DNAJC18: variants seen among roughly 807,000 people sequenced by gnomAD.
DNAJC18 encodes the protein DnaJ heat shock protein family (Hsp40) member C18.
Under a neutral mutation model 48.6 loss-of-function variants are expected in DNAJC18, and 40 were observed. The ratio of observed to expected loss-of-function variants is 0.82; its 90% CI spans 0.64 to 1.07. The LOEUF is 1.07. Ranked by LOEUF, DNAJC18 falls within the 50% of genes least tolerant of loss-of-function variation. The pLI, the probability that DNAJC18 is intolerant of heterozygous loss-of-function variation, is 0.00. For synonymous variants in DNAJC18, 135 were observed against 152.2 expected, an observed-to-expected ratio of 0.89 and a Z score of 0.83; for missense variants, 340 against 427.7, an observed-to-expected ratio of 0.79 and a Z score of 1.81.
At chr5:139,428,230 C>G (rs1759273773) in intron 3 of DNAJC18, among the ~76,000 whole-genome samples, 1 of 152,138 alleles carries the variant, frequency 6.6e-6, no homozygotes, top group Non-Finnish European at 1.5e-5. Context: ...AACCCCATCT[C>G]CACAAAACAT....
chr5:139,422,216 T>C (rs2152083380), intron 6 of DNAJC18, among the ~76,000 whole-genome samples: 1 of 152,250 alleles, frequency 6.6e-6, no homozygotes, highest in African/African-American at 2.4e-5. Flanking sequence ...ATTGAAGAAA[T>C]TTTTAAAAAT....
At chr5:139,436,462 T>C (rs1205850315) in intron 2 of DNAJC18, among the ~76,000 whole-genome samples, 2 of 151,994 alleles carry the variant, frequency 1.3e-5, no homozygotes, top group Admixed American at 1.3e-4. Flanking sequence ...GTTATCTAAT[T>C]TGTTGGCACA....
chr5:139,424,314 G>A (rs558067925), intron 5 of DNAJC18, among the ~76,000 whole-genome samples: 1 of 152,178 alleles, frequency 6.6e-6, no homozygotes, highest in Non-Finnish European at 1.5e-5. Flanking sequence ...CCTTGTTCCT[G>A]TCTGTCATGA....
chr5:139,434,268 C>A (rs1474796278), intron 2 of DNAJC18, among the ~76,000 whole-genome samples: 1 of 152,146 alleles, frequency 6.6e-6, no homozygotes, highest in Non-Finnish European at 1.5e-5. Context: ...CAAACTGATG[C>A]CACTCAAACC....
chr5:139,432,739 G>T (rs1016263926), intron 2 of DNAJC18, among the ~76,000 whole-genome samples: 6 of 152,218 alleles, frequency 3.9e-5, no homozygotes, highest in African/African-American at 1.4e-4. Context: ...TCAGTGCCCA[G>T]GCCTTCTTGC....
chr5:139,424,165 T>C (rs1759198476), intron 5 of DNAJC18, among the ~76,000 whole-genome samples: 1 of 152,142 alleles, frequency 6.6e-6, no homozygotes, highest in African/African-American at 2.4e-5. Context: ...GACTGGCTAT[T>C]TGCAAGGGGA....
Position 139,411,563 on chromosome 5 carries a change from T to C in DNAJC18, c.*2585A>G, listed in dbSNP as rs1758995574. ...ATCTAAAATATAACCCAGGAAATTA[T>C]AGCTTCACAATATTCTGGATAGTAT... On this transcript the variant is annotated 3_prime_UTR_variant, in exon 8 of 8. Coordinates refer to ENST00000302060, the MANE Select transcript of DNAJC18 (RefSeq NM_152686.4). 6.6e-6 allele frequency: 1 copy of C among 152,246 alleles called. No homozygotes were observed. The highest frequency in any genetic ancestry group is 1.5e-5 in the Non-Finnish European group (1 of 68,042). The allele number at this position is 152,246 out of a possible 1,614,324, so 9.4% of individuals were successfully genotyped here.
intron 2 of DNAJC18, among the ~76,000 whole-genome samples, chr5:139,436,789 T>C (rs563769064): frequency 1.3e-5 from 2 of 152,256 alleles, no homozygotes; most frequent in South Asian, 4.1e-4. Flanking sequence ...AATAAGCATT[T>C]AGAGCTATAA....
chr5:139,437,613 G>A, intron 1 of DNAJC18, 55 bp from the exon 2 acceptor site: 1 of 1,554,280 alleles, frequency 6.4e-7, no homozygotes, highest in Non-Finnish European at 8.7e-7. Flanking sequence ...AATCAACTTT[G>A]CAACCTGCCT....
At chr5:139,424,590 C>T (rs901599103) in intron 5 of DNAJC18, among the ~76,000 whole-genome samples, 1 of 151,518 alleles carries the variant, frequency 6.6e-6, no homozygotes, top group African/African-American at 2.4e-5. Context: ...CATGGTGGCA[C>T]GCACCTATAG....
intron 5 of DNAJC18, among the ~76,000 whole-genome samples, chr5:139,424,588 C>T (rs1038743482): frequency 1.3e-5 from 2 of 151,678 alleles, no homozygotes; most frequent in South Asian, 4.2e-4. Context: ...GGCATGGTGG[C>T]ACGCACCTAT....
At position 139,428,554 on chromosome 5, in the gene DNAJC18, T is replaced by C. The variant is rs80052278; in HGVS notation, c.357A>G (p.Ala119=). Residue 119 remains alanine (A), a synonymous_variant, in exon 3 of 8, where the codon GCA becomes GCG. Coordinates refer to ENST00000302060, the MANE Select transcript of DNAJC18 (RefSeq NM_152686.4). ...GGATCAGACCTTTGAAAGCATCTGT[T>C]GCTCCAGGAGCACAGTTCTTGTCAG... The part of the protein sequence containing the change: ...FHPDKNCAPG[A]TDAFKAIGNA... 3.1e-6 allele frequency: 5 copies of C among 1,613,358 alleles called. No homozygotes were observed. In the East Asian group the frequency reaches 8.9e-5, roughly 29 times the overall value.
Position 139,422,820 on chromosome 5 carries a change from G to GAAAAAAAAAAAAAAAAAAAA in DNAJC18, c.670-4_670-3insTTTTTTTTTTTTTTTTTTTT. 6.5e-7 allele frequency: 1 copy of GAAAAAAAAAAAAAAAAAAAA among 1,546,912 alleles called. No individual in the cohort carries two copies. On this transcript the variant is annotated splice_region_variant and splice_polypyrimidine_tract_variant and intron_variant, in intron 5 of 7. Coordinates refer to ENST00000302060, the MANE Select transcript of DNAJC18 (RefSeq NM_152686.4). Reference sequence around the variant, plus strand: ...TGAATAAATGCAGAATATGTAGTCTGAAAAAGAAAAAAAAATAAAAACTTG... The same window carrying GAAAAAAAAAAAAAAAAAAAA: ...TGAATAAATGCAGAATATGTAGTCTGAAAAAAAAAAAAAAAAAAAAAAAAAGAAAAAAAAATAAAAACTTG...
intron 6 of DNAJC18, among the ~76,000 whole-genome samples, chr5:139,421,472 A>C (rs1759151257): frequency 6.6e-6 from 1 of 151,404 alleles, no homozygotes; most frequent in African/African-American, 2.4e-5. Context: ...AAAACAATAA[A>C]AAGAAACCTC....
chr5:139,433,412 C>A (rs923785220), intron 2 of DNAJC18, among the ~76,000 whole-genome samples: 1 of 151,274 alleles, frequency 6.6e-6, no homozygotes, highest in African/African-American at 2.4e-5. Context: ...CCACTGCACT[C>A]CGGCTTGGGC....
chr5:139,431,729 T>G (rs1759332516), intron 2 of DNAJC18, among the ~76,000 whole-genome samples: 1 of 152,240 alleles, frequency 6.6e-6, no homozygotes, highest in Non-Finnish European at 1.5e-5. Context: ...AGTAGATTGC[T>G]AGGTCAATAA....
chr5:139,424,389 C>T (rs950647600), intron 5 of DNAJC18, among the ~76,000 whole-genome samples: 2 of 152,156 alleles, frequency 1.3e-5, no homozygotes, highest in African/African-American at 2.4e-5. Context: ...CTTAAACCCC[C>T]TTTAGTTCTA....
intron 2 of DNAJC18, among the ~76,000 whole-genome samples, chr5:139,429,361 T>C (rs1332567378): frequency 1.3e-5 from 2 of 152,090 alleles, no homozygotes; most frequent in East Asian, 1.9e-4. Context: ...GGATTACAGG[T>C]GTGAGCCACC....
intron 1 of DNAJC18, among the ~76,000 whole-genome samples, chr5:139,438,066 C>T (rs1371328628): frequency 1.3e-5 from 2 of 152,202 alleles, no homozygotes; most frequent in South Asian, 2.1e-4. Context: ...CCTGTAATCC[C>T]AGCACTTTGG....
Sources: allele counts gnomAD v4.1 joint callset (sites outside exome capture counted in the v4.1 genomes callset), GRCh38; gene constraint gnomAD v4.1.1; transcripts MANE v1.5; gene names NCBI Gene and HGNC (gene_info 2026-07-23, HGNC 2026-07-21).